The following RIMS2 variants were observed in gnomAD, a reference collection of about 807,000 sequenced individuals.
The protein encoded by RIMS2 is regulating synaptic membrane exocytosis protein 2.
In RIMS2, 59 loss-of-function variants were observed where a neutral mutation model predicts 174.4. The observed-to-expected ratio is 0.34, with a 90% CI of 0.27 to 0.42. RIMS2 has a LOEUF of 0.42. Among genes scored for constraint, RIMS2 ranks in the 10% least tolerant of loss-of-function variants. The pLI, the probability that RIMS2 is intolerant of heterozygous loss-of-function variation, is 1.00. For missense variants in RIMS2, 1,620 were observed against 1,666.3 expected (o/e 0.97, Z 0.48); for synonymous variants, 606 against 572.5 (o/e 1.06, Z -0.84).
intron 14 of RIMS2, among the ~76,000 whole-genome samples, chr8:103,946,995 G>C (rs1487642238): frequency 6.6e-6 from 1 of 152,148 alleles, no homozygotes; most frequent in African/African-American, 2.4e-5. Flanking sequence ...GGGGGGAATA[G>C]TTTTTTGTTG....
At chr8:104,224,284 A>G (rs1480392116) in intron 19 of RIMS2, among the ~76,000 whole-genome samples, 1 of 152,228 alleles carries the variant, frequency 6.6e-6, no homozygotes, top group Non-Finnish European at 1.5e-5. Context: ...GAGGGTTGCT[A>G]GTACCGAAGG....
At chr8:103,622,377 T>A (rs913640251) in intron 1 of RIMS2, among the ~76,000 whole-genome samples, 1 of 152,204 alleles carries the variant, frequency 6.6e-6, no homozygotes, top group African/African-American at 2.4e-5. Context: ...AGTGTTTTTT[T>A]AATGCATAAC....
At chr8:104,150,300 G>T (rs1294399467) in intron 19 of RIMS2, among the ~76,000 whole-genome samples, 1 of 151,932 alleles carries the variant, frequency 6.6e-6, no homozygotes, top group East Asian at 1.9e-4. Context: ...ATTCACTCAG[G>T]GTTCTTATTT....
At chr8:104,119,285 G>A (rs544639557) in intron 19 of RIMS2, among the ~76,000 whole-genome samples, 21 of 152,010 alleles carry the variant, frequency 1.4e-4, no homozygotes, top group Non-Finnish European at 2.5e-4. Context: ...GCTTGAACCC[G>A]GGTGGCAGAA....
intron 19 of RIMS2, among the ~76,000 whole-genome samples, chr8:104,086,345 C>T (rs1375700560): frequency 1.5e-5 from 2 of 137,296 alleles, no homozygotes; most frequent in African/African-American, 5.4e-5. Flanking sequence ...TCTTGAAGAA[C>T]ATGGTAAATT....
At chr8:104,139,691 A>C (rs2133463014) in intron 19 of RIMS2, among the ~76,000 whole-genome samples, 1 of 152,292 alleles carries the variant, frequency 6.6e-6, no homozygotes, top group African/African-American at 2.4e-5. Context: ...CAAATATAAA[A>C]TCCTATCATC....
intron 2 of RIMS2, among the ~76,000 whole-genome samples, chr8:103,758,647 C>T (rs895679503): frequency 2.0e-5 from 3 of 152,172 alleles, no homozygotes; most frequent in Non-Finnish European, 4.4e-5. Flanking sequence ...GAGGCTTTAG[C>T]TCTGCTAATT....
intron 1 of RIMS2, among the ~76,000 whole-genome samples, chr8:103,535,062 G>T (rs1416257753): frequency 6.6e-6 from 1 of 152,066 alleles, no homozygotes; most frequent in African/African-American, 2.4e-5. Context: ...CTAAAAGAAT[G>T]TTTTTTTGCC....
intron 1 of RIMS2, among the ~76,000 whole-genome samples, chr8:103,523,687 A>G (rs1488985189): frequency 6.6e-6 from 1 of 152,164 alleles, no homozygotes; most frequent in Admixed American, 6.6e-5. Flanking sequence ...CTCAAATAAC[A>G]GTTCAGTTTT....
intron 17 of RIMS2, among the ~76,000 whole-genome samples, chr8:104,010,036 G>A (rs1411626152): frequency 2.0e-5 from 3 of 151,964 alleles, no homozygotes; most frequent in African/African-American, 2.4e-5. Flanking sequence ...ACGGACGGAC[G>A]GATGACAGGC....
chr8:103,501,501 A>AG (rs1367581189), intron 1 of RIMS2: 5 of 153,208 alleles, frequency 3.3e-5, no homozygotes, highest in Non-Finnish European at 7.3e-5. Context: ...GCGCGCTGGC[A>AG]GGGGATGCGG....
At chr8:103,656,825 G>C (rs879323130) in intron 1 of RIMS2, among the ~76,000 whole-genome samples, 5 of 152,160 alleles carry the variant, frequency 3.3e-5, no homozygotes, top group African/African-American at 4.8e-5. Flanking sequence ...ACTGCTGGAA[G>C]CTGAATGTGG....
intron 19 of RIMS2, among the ~76,000 whole-genome samples, chr8:104,209,271 T>C (rs1480388649): frequency 6.6e-6 from 1 of 152,244 alleles, no homozygotes; most frequent in Admixed American, 6.5e-5. Flanking sequence ...ATATTTGTTT[T>C]ATGGTTCTGC....
intron 1 of RIMS2, among the ~76,000 whole-genome samples, chr8:103,608,362 G>C (rs71520835): frequency 7.3e-6 from 1 of 136,870 alleles, no homozygotes; most frequent in Non-Finnish European, 1.6e-5. Context: ...CAGATCTCCA[G>C]CTGCGTACTG....
At chr8:103,724,031 G>T (rs541756455) in intron 2 of RIMS2, among the ~76,000 whole-genome samples, 1 of 152,190 alleles carries the variant, frequency 6.6e-6, no homozygotes, top group East Asian at 1.9e-4. Context: ...CTGAAGTCAG[G>T]TGCTTACTTC....
intron 3 of RIMS2, among the ~76,000 whole-genome samples, chr8:103,866,640 G>C (rs943325192): frequency 2.6e-5 from 4 of 152,046 alleles, no homozygotes; most frequent in Non-Finnish European, 5.9e-5. Context: ...AAAGATTTGT[G>C]CTTTCATAAA....
intron 19 of RIMS2, among the ~76,000 whole-genome samples, chr8:104,188,195 G>A (rs1438660011): frequency 6.6e-6 from 1 of 151,068 alleles, no homozygotes; most frequent in Non-Finnish European, 1.5e-5. Context: ...TAGGAATGAA[G>A]AAGTGGGACT....
At chr8:103,539,495 T>C (rs752113889) in intron 1 of RIMS2, among the ~76,000 whole-genome samples, 5 of 152,068 alleles carry the variant, frequency 3.3e-5, no homozygotes, top group Non-Finnish European at 5.9e-5. Flanking sequence ...AAATAATCAC[T>C]GGTGAATTGG....
At chr8:103,878,704 T>A (rs1012837852) in intron 3 of RIMS2, among the ~76,000 whole-genome samples, 3 of 151,716 alleles carry the variant, frequency 2.0e-5, no homozygotes, top group Non-Finnish European at 4.4e-5. Flanking sequence ...TGAGCTTTTT[T>A]TTTTTTGTTT....
Sources: allele counts gnomAD v4.1 joint callset (sites outside exome capture counted in the v4.1 genomes callset), GRCh38; gene constraint gnomAD v4.1.1; transcripts MANE v1.5; gene names NCBI Gene and HGNC (gene_info 2026-07-23, HGNC 2026-07-21).